The following ZNF469 variants were observed in gnomAD, a reference collection of about 807,000 sequenced individuals.
ZNF469 encodes the protein zinc finger protein 469.
In ZNF469, 1 loss-of-function variant was observed where a neutral mutation model predicts 1.0. The observed-to-expected ratio is 1.00, with a 90% CI of 0.35 to 4.73. ZNF469 has a LOEUF of 4.73. Among genes scored for constraint, ZNF469 ranks in the 30% most tolerant of loss-of-function variants. ZNF469 has a pLI of 0.16. For synonymous variants in ZNF469, 2,703 were observed against 2,363.4 expected (o/e 1.14, Z -4.17); for missense variants, 6,100 against 5,356.3 (o/e 1.14, Z -4.33).
chr16:88,193,251 GGTGGTGATGGTGGTA>G, the ZNF469 span, among the ~76,000 whole-genome samples: 8 of 146,962 alleles, frequency 5.4e-5, no homozygotes, highest in East Asian at 4.2e-4. Flanking sequence ...TGGTGGTGAT[GGTGGTGATGGTGGTA>G]GTGGTGATGG....
the ZNF469 span, among the ~76,000 whole-genome samples, chr16:88,196,815 C>T: frequency 0.016 from 2,416 of 152,262 alleles, 66 homozygotes; most frequent in African/African-American, 0.054. Flanking sequence ...GGAGACTGAG[C>T]ACTGTTTTGT....
the ZNF469 span, among the ~76,000 whole-genome samples, chr16:88,107,334 A>G: frequency 6.6e-6 from 1 of 152,262 alleles, no homozygotes; most frequent in Non-Finnish European, 1.5e-5. Context: ...CGGAAGGCGA[A>G]GAAGAAGCAA....
Position 88,417,135 on chromosome 16 carries a change from G to T in ZNF469, c.-191-7672G>T, listed in dbSNP as rs532844413. Among the ~76,000 whole-genome samples the T allele has an allele frequency of 3.2e-3, 487 of 152,308 alleles. 4 individuals are homozygous for T. Among genetic ancestry groups the T allele is most frequent in the African/African-American group, 0.011 (464 of 41,578 alleles). ...CTGTTTGTCTGCTGGGCCTCCCCCAGGAGGCCGAGAGCAAGGCCCCCACCC... is the reference window on the plus strand; with the variant it reads ...CTGTTTGTCTGCTGGGCCTCCCCCATGAGGCCGAGAGCAAGGCCCCCACCC... On this transcript the variant is annotated intron_variant, in intron 1 of 2. Coordinates refer to ENST00000565624, the MANE Select transcript of ZNF469 (RefSeq NM_001367624.2).
the ZNF469 span, among the ~76,000 whole-genome samples, chr16:88,356,219 TGTGGGAGCCGTGGGTCTAA>T: frequency 6.6e-6 from 1 of 151,998 alleles, no homozygotes; most frequent in Non-Finnish European, 1.5e-5. Flanking sequence ...GAGAGTTCAA[TGTGGGAGCCGTGGGTCTAA>T]GGTTGGAGAT....
At chr16:88,305,608 A>G in the ZNF469 span, among the ~76,000 whole-genome samples, 3 of 150,952 alleles carry the variant, frequency 2.0e-5, no homozygotes, top group Non-Finnish European at 4.4e-5. Context: ...TCACACATGC[A>G]CACACACCCT....
the ZNF469 span, among the ~76,000 whole-genome samples, chr16:88,103,201 T>C: frequency 1.3e-5 from 2 of 150,768 alleles, no homozygotes; most frequent in Admixed American, 1.3e-4. Context: ...GCTTTTTGGT[T>C]AAAAACACTG....
chr16:88,353,882 A>G, the ZNF469 span, among the ~76,000 whole-genome samples: 2 of 152,144 alleles, frequency 1.3e-5, no homozygotes, highest in Non-Finnish European at 2.9e-5. Flanking sequence ...CGGAGGGAGC[A>G]TGACCCTCCC....
In ZNF469 at chr16:88,433,564, G is replaced by A. The variant is rs1179923037; in HGVS notation, c.6094G>A (p.Gly2032Ser). ...PKTALTGPTE[G>S]AVLLEKCKGS... ...AACAGCGCTGACCGGCCCCACCGAGGGTGCAGTCCTGCTAGAGAAATGCAA... is the reference window on the plus strand; with the variant it reads ...AACAGCGCTGACCGGCCCCACCGAGAGTGCAGTCCTGCTAGAGAAATGCAA... The change falls in exon 3 of 3, where the codon GGT becomes AGT. Residue 2032 changes from glycine (G) to serine (S), a missense_variant. Transcript: ENST00000565624. 6.5e-7 allele frequency: 1 copy of A among 1,550,328 alleles called. No homozygotes were observed. Among genetic ancestry groups the A allele is most frequent in the Admixed American group, 2.0e-5 (1 of 50,990 alleles).
In ZNF469 at chr16:88,429,742, G is replaced by A. The variant is rs1285810208; in HGVS notation, c.2272G>A (p.Ala758Thr). The change falls in exon 3 of 3, where the codon GCC becomes ACC. Residue 758 changes from alanine to threonine, a missense_variant. By Grantham distance (58) the Ala-to-Thr change is moderately conservative. Transcript: ENST00000565624. ...AHRQFCGLLLARAKDGHQRSP... is the reference protein window; with the variant it reads ...AHRQFCGLLLTRAKDGHQRSP... ...CCGGCAGTTCTGTGGCCTGCTCCTG[G>A]CCAGGGCCAAGGATGGCCACCAGCG... 9.1e-6 allele frequency: 14 copies of A among 1,544,626 alleles called. No homozygotes were observed. The highest frequency in any genetic ancestry group is 1.1e-5 in the Non-Finnish European group (13 of 1,144,684).
the ZNF469 span, among the ~76,000 whole-genome samples, chr16:88,358,141 C>A: frequency 6.6e-6 from 1 of 152,240 alleles, no homozygotes; most frequent in East Asian, 1.9e-4. Flanking sequence ...AGGCCCCCAG[C>A]CGGCTTGCAC....
chr16:88,437,625 C>T lies in ZNF469; in HGVS notation c.10155C>T (p.Gly3385=). 1 of 1,540,604 alleles carries T rather than the reference C, an allele frequency of 6.5e-7. No individual in the cohort carries two copies. Among genetic ancestry groups the T allele is most frequent in the African/African-American group, 1.4e-5 (1 of 72,818 alleles). ...ACGGGGAGCTGCTGGCACACCTGGG[C>T]GGGGCGCACGGGCTGCTGGAGCGGC... is the stretch of plus-strand genomic sequence containing the variant. ...PEHGELLAHL[G]GAHGLLERPE... is the part of the protein sequence containing the mutation. Residue 3385 remains glycine (G), a synonymous_variant, in exon 3 of 3, where the codon GGC becomes GGT. Coordinates refer to ENST00000565624, the MANE Select transcript of ZNF469 (RefSeq NM_001367624.2).
At chr16:88,352,882 G>A in the ZNF469 span, among the ~76,000 whole-genome samples, 1 of 152,230 alleles carries the variant, frequency 6.6e-6, no homozygotes, top group Non-Finnish European at 1.5e-5. Context: ...AGAGCCCACC[G>A]AGTGAGACGG....
the ZNF469 span, among the ~76,000 whole-genome samples, chr16:88,286,617 C>G: frequency 1.3e-5 from 2 of 152,268 alleles, no homozygotes; most frequent in Admixed American, 6.5e-5. Flanking sequence ...ATGTGGAGGA[C>G]AGGAACATTC....
intron 1 of ZNF469, among the ~76,000 whole-genome samples, chr16:88,390,394 G>A (rs1156651027): frequency 6.6e-6 from 1 of 152,184 alleles, no homozygotes; most frequent in Non-Finnish European, 1.5e-5. Context: ...AGAGGGGTTG[G>A]GGGAGGCAGG....
At chr16:88,114,313 G>GTCTCCGGGGA in the ZNF469 span, among the ~76,000 whole-genome samples, 12 of 50,480 alleles carry the variant, frequency 2.4e-4, no homozygotes, top group East Asian at 1.4e-3. Context: ...GTCTTCGGGG[G>GTCTCCGGGGA]GAATGACAGG....
chr16:88,134,718 C>T, the ZNF469 span, among the ~76,000 whole-genome samples: 1 of 152,248 alleles, frequency 6.6e-6, no homozygotes. Context: ...CGTGTAAATC[C>T]CTGCCGTCTG....
chr16:88,200,223 G>T, the ZNF469 span, among the ~76,000 whole-genome samples: 1 of 152,184 alleles, frequency 6.6e-6, no homozygotes, highest in African/African-American at 2.4e-5. Context: ...AGAAGTTAAA[G>T]GCTGAGCAGG....
chr16:88,218,493 T>C, the ZNF469 span, among the ~76,000 whole-genome samples: 6 of 152,324 alleles, frequency 3.9e-5, 1 homozygote, highest in South Asian at 1.2e-3. Context: ...TTGCTTTTGG[T>C]GTTTTAGACA....
At position 88,436,854 on chromosome 16, in the gene ZNF469, C is replaced by T. The variant is rs1244914028; in HGVS notation, c.9384C>T (p.Gly3128=). 1.0e-5 allele frequency: 16 copies of T among 1,528,848 alleles called. No individual in the cohort carries two copies. The highest frequency in any genetic ancestry group is 4.0e-5 in the Admixed American group (2 of 49,876). The allele number at this position is 1,528,848 out of a possible 1,614,324, so 94.7% of individuals were successfully genotyped here. The change falls in exon 3 of 3, where the codon GGC becomes GGT. Residue 3128 remains glycine, a synonymous_variant. Transcript: ENST00000565624. ...KVCFQRFRSL[G]ELDLHKLAHT... is the part of the protein sequence containing the mutation. Reference sequence around the variant, plus strand: ...GCTTCCAGCGCTTCCGCAGCCTGGGCGAGCTGGACCTGCACAAGCTGGCCC... The same window carrying T: ...GCTTCCAGCGCTTCCGCAGCCTGGGTGAGCTGGACCTGCACAAGCTGGCCC...
Sources: gnomAD v4.1 joint callset for allele counts (sites outside exome capture counted in the v4.1 genomes callset) on GRCh38, gnomAD v4.1.1 for gene constraint, MANE v1.5 for transcripts, NCBI Gene and HGNC (gene_info 2026-07-23, HGNC 2026-07-21) for gene names.